Variants in ADGRA3 observed in about 807,000 individuals in gnomAD.
The protein encoded by ADGRA3 is adhesion G protein-coupled receptor A3.
In ADGRA3, 56 loss-of-function variants were observed where a neutral mutation model predicts 119.8. The ratio of observed to expected loss-of-function variants is 0.47; its 90% CI spans 0.38 to 0.58. ADGRA3 has a LOEUF of 0.58. ADGRA3 is among the 20% of genes least tolerant of loss of function. The probability of loss-of-function intolerance (pLI) is 0.00; values close to 1 mark genes in which losing one functional copy is unlikely to be tolerated. For synonymous variants in ADGRA3, 607 were observed against 623.8 expected (o/e 0.97, Z 0.40); for missense variants, 1,516 against 1,649.0 (o/e 0.92, Z 1.40).
At position 22,421,003 on chromosome 4, in the gene ADGRA3, T is replaced by C; in HGVS notation, c.1692A>G (p.Ala564=). Reference sequence around the variant, plus strand: ...CCGAAAGTCCTGTACGATCAGAGGCTGCCACTTTCTGGAACACGGTACAGG... The same window carrying C: ...CCGAAAGTCCTGTACGATCAGAGGCCGCCACTTTCTGGAACACGGTACAGG... ...GMTCTVFQKV[A]ASDRTGLSDY... Residue 564 remains alanine, a synonymous_variant, in exon 12 of 19, where the codon GCA becomes GCG. Coordinates refer to ENST00000334304, the MANE Select transcript of ADGRA3 (RefSeq NM_145290.4). 1 of 1,614,110 alleles carries C rather than the reference T, an allele frequency of 6.2e-7. No individual in the cohort carries two copies. The highest frequency in any genetic ancestry group is 8.5e-7 in the Non-Finnish European group (1 of 1,179,972).
chr4:22,433,372 A>G (rs1487611190), intron 10 of ADGRA3, among the ~76,000 whole-genome samples: 1 of 152,216 alleles, frequency 6.6e-6, no homozygotes, highest in Non-Finnish European at 1.5e-5. Context: ...ATGATATCCA[A>G]GCTTTGCAAC....
At chr4:22,450,531 C>T (rs907689497) in intron 4 of ADGRA3, among the ~76,000 whole-genome samples, 2 of 152,166 alleles carry the variant, frequency 1.3e-5, no homozygotes, top group Admixed American at 1.3e-4. Flanking sequence ...CTCCAAAGTG[C>T]TGGGATTACG....
chr4:22,409,458 T>C (rs910276240), intron 14 of ADGRA3, among the ~76,000 whole-genome samples: 2 of 152,194 alleles, frequency 1.3e-5, no homozygotes, highest in African/African-American at 2.4e-5. Flanking sequence ...GATCCCAAAA[T>C]GAGACTGTGA....
intron 9 of ADGRA3, among the ~76,000 whole-genome samples, chr4:22,436,063 A>G (rs61658422): frequency 0.034 from 5,129 of 152,290 alleles, 286 homozygotes; most frequent in African/African-American, 0.11. Flanking sequence ...AGAAGCAAAG[A>G]TAACAAAAAG....
intron 6 of ADGRA3, among the ~76,000 whole-genome samples, chr4:22,444,020 CT>C (rs76267776): frequency 6.6e-6 from 1 of 152,026 alleles, no homozygotes; most frequent in East Asian, 1.9e-4. Flanking sequence ...TGTAGGTGTG[CT>C]TTTTTGTTTT....
intron 1 of ADGRA3, among the ~76,000 whole-genome samples, chr4:22,502,378 T>C (rs1363116990): frequency 6.6e-6 from 1 of 152,114 alleles, no homozygotes. Flanking sequence ...ATAGGCCACA[T>C]ATAGGGTGGA....
At chr4:22,451,078 T>C (rs1462148908) in intron 4 of ADGRA3, among the ~76,000 whole-genome samples, 5 of 151,180 alleles carry the variant, frequency 3.3e-5, no homozygotes, top group Non-Finnish European at 7.4e-5. Flanking sequence ...CAACCACCTT[T>C]TTTGTATAAA....
chr4:22,443,917 G>A (rs1716727424), intron 6 of ADGRA3, among the ~76,000 whole-genome samples: 1 of 151,952 alleles, frequency 6.6e-6, no homozygotes, highest in Admixed American at 6.6e-5. Flanking sequence ...AAAGAGAAAA[G>A]GAAAAAAATA....
intron 12 of ADGRA3, chr4:22,414,255 T>A (rs1411041736): frequency 4.4e-6 from 1 of 226,504 alleles, no homozygotes; most frequent in African/African-American, 2.3e-5. Flanking sequence ...TGATTTATGA[T>A]GAATTCAAAC....
intron 12 of ADGRA3, chr4:22,414,443 T>C: frequency 2.1e-6 from 1 of 468,590 alleles, no homozygotes; most frequent in East Asian, 3.3e-5. Flanking sequence ...TATTGAGGAT[T>C]TTTAAATAAC....
intron 1 of ADGRA3, among the ~76,000 whole-genome samples, chr4:22,491,004 G>A (rs1201732817): frequency 6.6e-6 from 1 of 152,160 alleles, no homozygotes; most frequent in Non-Finnish European, 1.5e-5. Context: ...GATCAAGGGA[G>A]GGAGGGAGAA....
At chr4:22,397,665 G>T (rs937689775) in intron 16 of ADGRA3, among the ~76,000 whole-genome samples, 1 of 152,032 alleles carries the variant, frequency 6.6e-6, no homozygotes, top group African/African-American at 2.4e-5. Flanking sequence ...GAATCATGAG[G>T]GTGGGTCTTT....
chr4:22,469,988 A>G (rs951735976), intron 2 of ADGRA3, among the ~76,000 whole-genome samples: 6 of 152,126 alleles, frequency 3.9e-5, no homozygotes, highest in African/African-American at 1.4e-4. Context: ...GTTTCTCCCC[A>G]TTACTGCATA....
Position 22,396,686 on chromosome 4 carries a change from A to G in ADGRA3, c.2482-3996T>C, listed in dbSNP as rs76000137. On this transcript the variant is annotated intron_variant, in intron 16 of 18. Coordinates refer to ENST00000334304, the MANE Select transcript of ADGRA3 (RefSeq NM_145290.4). Reference sequence around the variant, plus strand: ...AGCAAAGAATGTCTGAGTCAGAAATATAAGAATGATGCTATGTCTTTCATC... The same window carrying G: ...AGCAAAGAATGTCTGAGTCAGAAATGTAAGAATGATGCTATGTCTTTCATC... Among the ~76,000 whole-genome samples the G allele has an allele frequency of 9.0e-3, 1,374 of 152,330 alleles. 43 individuals carry two copies. Among genetic ancestry groups the G allele is most frequent in the South Asian group, 0.057 (274 of 4,816 alleles).
chr4:22,444,599 T>C (rs968641536), intron 6 of ADGRA3, among the ~76,000 whole-genome samples: 1 of 152,118 alleles, frequency 6.6e-6, no homozygotes, highest in Admixed American at 6.6e-5. Flanking sequence ...AACATGTTGC[T>C]TCAAAAAGGC....
At chr4:22,478,002 T>G (rs1031376149) in intron 1 of ADGRA3, 1 of 152,134 alleles carries the variant, frequency 6.6e-6, no homozygotes, top group African/African-American at 2.4e-5. Flanking sequence ...ATTTCAAACT[T>G]TCTAGGAGGT....
At position 22,418,895 on chromosome 4, in the gene ADGRA3, A is replaced by C. The variant is rs185081321; in HGVS notation, c.1809+1991T>G. The stretch of plus-strand genomic sequence containing the variant: ...GCAGGAGGGCTGAGGAAGCACTCAG[A>C]GAACTGGGGCAGCAGCTATTTGCTA... On this transcript the variant is annotated intron_variant, in intron 12 of 18. Transcript: ENST00000334304. Among the ~76,000 whole-genome samples, 97 of 152,324 alleles carry C rather than the reference A, an allele frequency of 6.4e-4. 1 individual carries two copies. The East Asian group carries it at 0.012, about 19-fold the overall frequency.
In ADGRA3 at chr4:22,420,684, CAA is replaced by C. The variant is rs201623574; in HGVS notation, c.1809+200_1809+201del. On this transcript the variant is annotated intron_variant, in intron 12 of 18. Coordinates refer to ENST00000334304, the MANE Select transcript of ADGRA3 (RefSeq NM_145290.4). ...ATATTTTTATGTGAAGAAAGGGAAT[CAA>C]AGGCAAAAATGCCTAGGGCCCTTGA... 540 of 575,516 alleles carry C rather than the reference CAA, an allele frequency of 9.4e-4. 3 individuals carry two copies. The highest frequency in any genetic ancestry group is 8.8e-3 in the African/African-American group (469 of 53,570). The allele number at this position is 575,516 out of a possible 1,614,324, so 35.7% of individuals were successfully genotyped here. A position where few individuals can be genotyped will look rare whatever the true frequency, so the allele number is the denominator to read the frequency against.
intron 1 of ADGRA3, chr4:22,477,746 G>A (rs900643541): frequency 1.3e-5 from 2 of 152,142 alleles, no homozygotes; most frequent in South Asian, 2.1e-4. Flanking sequence ...CACTTAAAAC[G>A]TTATAACTGT....
Sources: allele counts gnomAD v4.1 joint callset (sites outside exome capture counted in the v4.1 genomes callset), GRCh38; gene constraint gnomAD v4.1.1; transcripts MANE v1.5; gene names NCBI Gene and HGNC (gene_info 2026-07-23, HGNC 2026-07-21).